Variants in ADAMTS6 observed in about 807,000 individuals in gnomAD.
ADAMTS6 encodes A disintegrin and metalloproteinase with thrombospondin motifs 6.
In ADAMTS6, 23 loss-of-function variants were observed where a neutral mutation model predicts 144.3. That is an observed-to-expected ratio of 0.16 (90% CI 0.11 to 0.23). The LOEUF (loss-of-function observed/expected upper bound fraction) is 0.23. Ranked by LOEUF, ADAMTS6 falls within the 10% of genes least tolerant of loss-of-function variation. The pLI, the probability that ADAMTS6 is intolerant of heterozygous loss-of-function variation, is 1.00. For synonymous variants in ADAMTS6, 444 were observed against 457.5 expected, an observed-to-expected ratio of 0.97 and a Z score of 0.38; for missense variants, 999 against 1,379.6, an observed-to-expected ratio of 0.72 and a Z score of 4.37.
chr5:65,449,371 C>A (rs1758555364), intron 7 of ADAMTS6, among the ~76,000 whole-genome samples: 1 of 152,192 alleles, frequency 6.6e-6, no homozygotes, highest in African/African-American at 2.4e-5. Context: ...ATCCCCAGCA[C>A]TTTGGGAGGC....
At chr5:65,326,821 G>A (rs953322124) in intron 9 of ADAMTS6, among the ~76,000 whole-genome samples, 1 of 152,146 alleles carries the variant, frequency 6.6e-6, no homozygotes. Flanking sequence ...AGAGTTGACC[G>A]CTAAGTCCCT....
chr5:65,300,044 C>T lies in ADAMTS6; in HGVS notation c.1311G>A (p.Ala437=), dbSNP rs1458932161. 6.2e-6 allele frequency: 10 copies of T among 1,614,014 alleles called. No homozygotes were observed. Among genetic ancestry groups the T allele is most frequent in the African/African-American group, 2.7e-5 (2 of 75,010 alleles). The change falls in exon 10 of 25, where the codon GCG becomes GCA. Residue 437 remains alanine (A), a synonymous_variant. Transcript: ENST00000381055. ...CAGACCAGGAAAAAGGATTGGTATT[C>T]GCAGTAATGTGAGCTGCCATAAGTT... is the stretch of plus-strand genomic sequence containing the variant. ...AAKLMAAHIT[A]NTNPFSWSAC... is the part of the protein sequence containing the mutation.
chr5:65,288,011 T>C (rs982622199), intron 11 of ADAMTS6, among the ~76,000 whole-genome samples: 9 of 152,160 alleles, frequency 5.9e-5, no homozygotes, highest in South Asian at 2.1e-4. Context: ...ACAACTTCTA[T>C]AGGAATTTAA....
intron 11 of ADAMTS6, among the ~76,000 whole-genome samples, chr5:65,283,103 G>C (rs1763111975): frequency 6.6e-6 from 1 of 152,036 alleles, no homozygotes; most frequent in South Asian, 2.1e-4. Context: ...TGCAATAAAG[G>C]ATCCTGAAGG....
intron 12 of ADAMTS6, among the ~76,000 whole-genome samples, chr5:65,272,770 A>G (rs936340287): frequency 6.6e-6 from 1 of 151,674 alleles, no homozygotes; most frequent in Non-Finnish European, 1.5e-5. Flanking sequence ...AAAATACAAA[A>G]ATTAGCTGGG....
intron 3 of ADAMTS6, among the ~76,000 whole-genome samples, chr5:65,461,224 A>G (rs1759620483): frequency 6.6e-6 from 1 of 152,204 alleles, no homozygotes; most frequent in African/African-American, 2.4e-5. Flanking sequence ...CAATAGAGCT[A>G]ATTCTCAGTA....
intron 7 of ADAMTS6, among the ~76,000 whole-genome samples, chr5:65,364,813 G>A (rs1455515402): frequency 2.0e-5 from 3 of 151,944 alleles, no homozygotes; most frequent in Admixed American, 2.0e-4. Flanking sequence ...TGATCTGCCC[G>A]CCTCAGCCTC....
chr5:65,410,164 A>G (rs1046004662), intron 7 of ADAMTS6, among the ~76,000 whole-genome samples: 2 of 152,228 alleles, frequency 1.3e-5, no homozygotes, highest in Admixed American at 6.6e-5. Flanking sequence ...GGGACTTCCA[A>G]TGACAAACTT....
intron 7 of ADAMTS6, among the ~76,000 whole-genome samples, chr5:65,435,492 A>G (rs779348698): frequency 3.5e-4 from 53 of 152,140 alleles, no homozygotes; most frequent in Non-Finnish European, 7.1e-4. Context: ...ATAATACTAT[A>G]AGAATGTTAA....
intron 7 of ADAMTS6, among the ~76,000 whole-genome samples, chr5:65,351,766 C>G (rs1311624708): frequency 6.6e-6 from 1 of 151,768 alleles, no homozygotes; most frequent in Non-Finnish European, 1.5e-5. Flanking sequence ...GCACTCCATT[C>G]CAGCTCAGGC....
At chr5:65,180,803 CTT>C (rs1754302028) in intron 22 of ADAMTS6, among the ~76,000 whole-genome samples, 1 of 152,166 alleles carries the variant, frequency 6.6e-6, no homozygotes, top group Non-Finnish European at 1.5e-5. Context: ...CTACTTACCT[CTT>C]GAGGCTCATC....
At chr5:65,250,690 C>CCAGAA (rs960610161) in intron 14 of ADAMTS6, among the ~76,000 whole-genome samples, 1 of 152,098 alleles carries the variant, frequency 6.6e-6, no homozygotes, top group African/African-American at 2.4e-5. Flanking sequence ...ATATGTTTCA[C>CCAGAA]CAGAAGTTCT....
intron 20 of ADAMTS6, among the ~76,000 whole-genome samples, chr5:65,201,731 C>A (rs566515955): frequency 2.6e-5 from 4 of 152,272 alleles, no homozygotes; most frequent in African/African-American, 9.6e-5. Context: ...CATAGCACAT[C>A]ATATCTACCC....
chr5:65,319,739 G>GGGAGGGAAGGGAGGGAGGGAA (rs1745393000), intron 9 of ADAMTS6, among the ~76,000 whole-genome samples: 2 of 65,616 alleles, frequency 3.0e-5, no homozygotes, highest in Non-Finnish European at 5.4e-5. Context: ...GAGGGAGGGA[G>GGGAGGGAAGGGAGGGAGGGAA]GGAAGGAAGG....
chr5:65,281,772 T>C (rs921946055), intron 11 of ADAMTS6, among the ~76,000 whole-genome samples: 1 of 152,130 alleles, frequency 6.6e-6, no homozygotes, highest in Non-Finnish European at 1.5e-5. Flanking sequence ...TAATGTAAAA[T>C]AACTTACCTA....
At chr5:65,406,724 C>A (rs1168946186) in intron 7 of ADAMTS6, among the ~76,000 whole-genome samples, 5 of 151,938 alleles carry the variant, frequency 3.3e-5, no homozygotes. Context: ...AGGAATGGTA[C>A]CAGCTCCTCC....
At chr5:65,257,771 G>A (rs1760815450) in intron 14 of ADAMTS6, among the ~76,000 whole-genome samples, 1 of 152,030 alleles carries the variant, frequency 6.6e-6, no homozygotes, top group Non-Finnish European at 1.5e-5. Context: ...CTAGCTTCCT[G>A]TGGGACAAAG....
chr5:65,341,480 C>A (rs1747818939), intron 7 of ADAMTS6, among the ~76,000 whole-genome samples: 1 of 151,680 alleles, frequency 6.6e-6, no homozygotes, highest in Non-Finnish European at 1.5e-5. Flanking sequence ...AGAGACGACT[C>A]AAATGAATAA....
chr5:65,335,494 T>C (rs1747217730), intron 7 of ADAMTS6, among the ~76,000 whole-genome samples: 1 of 152,154 alleles, frequency 6.6e-6, no homozygotes, highest in Admixed American at 6.5e-5. Context: ...TTTCTAGCAG[T>C]CTTCAAGAAA....
Sources: allele counts gnomAD v4.1 joint callset (sites outside exome capture counted in the v4.1 genomes callset), GRCh38; gene constraint gnomAD v4.1.1; transcripts MANE v1.5; gene names NCBI Gene and HGNC (gene_info 2026-07-23, HGNC 2026-07-21).